The following TEX9 variants were observed in gnomAD, a reference collection of about 807,000 sequenced individuals.
The protein encoded by TEX9 is testis-expressed protein 9.
A neutral mutation model predicts 59.6 loss-of-function variants in TEX9; 74 were observed. The observed-to-expected ratio is 1.24, with a 90% CI of 1.03 to 1.51. The LOEUF (loss-of-function observed/expected upper bound fraction) is 1.51. Ranked by LOEUF, TEX9 falls within the 40% of genes most tolerant of loss-of-function variation. TEX9 has a pLI of 0.00. For synonymous variants in TEX9, 186 were observed against 152.2 expected, an observed-to-expected ratio of 1.22 and a Z score of -1.64; for missense variants, 522 against 447.8, an observed-to-expected ratio of 1.17 and a Z score of -1.49.
chr15:56,316,672 C>T (rs2045775060), intron 1 of TEX9, among the ~76,000 whole-genome samples: 1 of 152,188 alleles, frequency 6.6e-6, no homozygotes, highest in African/African-American at 2.4e-5. Context: ...CTGTGGTGGG[C>T]TCCACCCAGT....
At chr15:56,267,196 T>G (rs1393637859) in intron 1 of TEX9, among the ~76,000 whole-genome samples, 3 of 152,242 alleles carry the variant, frequency 2.0e-5, no homozygotes, top group Non-Finnish European at 4.4e-5. Context: ...CCTGTAAATT[T>G]GTTTAAGTTC....
intron 1 of TEX9, among the ~76,000 whole-genome samples, chr15:56,262,419 T>C (rs1007814413): frequency 6.6e-6 from 1 of 152,216 alleles, no homozygotes; most frequent in Non-Finnish European, 1.5e-5. Flanking sequence ...CTAGTCATGT[T>C]TCTATTAGTT....
intron 1 of TEX9, among the ~76,000 whole-genome samples, chr15:56,250,666 T>C (rs1358944632): frequency 6.6e-6 from 1 of 152,180 alleles, no homozygotes; most frequent in Non-Finnish European, 1.5e-5. Context: ...GCTTATGTGA[T>C]TGTGAGGCTG....
At chr15:56,308,031 A>G (rs899035326) in intron 1 of TEX9, among the ~76,000 whole-genome samples, 1 of 152,212 alleles carries the variant, frequency 6.6e-6, no homozygotes, top group African/African-American at 2.4e-5. Context: ...GAATAATGCT[A>G]CTGTGAACAT....
chr15:56,367,250 G>C (rs1416883129), intron 2 of TEX9, among the ~76,000 whole-genome samples: 3 of 151,994 alleles, frequency 2.0e-5, no homozygotes, highest in African/African-American at 7.2e-5. Flanking sequence ...CACATCTGAA[G>C]CATATGAACA....
At chr15:56,270,320 C>T (rs150121400) in intron 1 of TEX9, among the ~76,000 whole-genome samples, 1 of 152,194 alleles carries the variant, frequency 6.6e-6, no homozygotes, top group African/African-American at 2.4e-5. Context: ...CTTTATGAAT[C>T]TGGGTGCTCC....
At position 56,365,769 on chromosome 15, in the gene TEX9, A is replaced by T; in HGVS notation, c.119+99A>T. 3 of 1,531,934 alleles carry T rather than the reference A, an allele frequency of 2.0e-6. No individual in the cohort carries two copies. The South Asian group carries it at 3.9e-5, about 20-fold the overall frequency. The allele number at this position is 1,531,934 out of a possible 1,614,324, so 94.9% of individuals were successfully genotyped here. On this transcript the variant is annotated intron_variant, in intron 2 of 12. Coordinates refer to ENST00000352903, the Ensembl canonical transcript of TEX9. ...GGAGACTGGCTGGATCTTCGGGACC[A>T]CTCACTCTGCAGCATTCCCTTCTCG...
chr15:56,419,078 T>TTA (rs1356106859), intron 10 of TEX9, among the ~76,000 whole-genome samples: 8 of 151,822 alleles, frequency 5.3e-5, no homozygotes, highest in South Asian at 2.1e-4. Flanking sequence ...CAAGCAGCTT[T>TTA]TATATATATA....
chr15:56,246,131 G>A (rs1432019163), intron 1 of TEX9, among the ~76,000 whole-genome samples: 1 of 152,168 alleles, frequency 6.6e-6, no homozygotes, highest in Non-Finnish European at 1.5e-5. Flanking sequence ...CTTCCCAAGT[G>A]CAACTTCTGA....
chr15:56,330,475 T>A (rs2046116941), intron 1 of TEX9, among the ~76,000 whole-genome samples: 2 of 152,112 alleles, frequency 1.3e-5, no homozygotes, highest in African/African-American at 4.8e-5. Context: ...CAATAACTTT[T>A]CAAGACATAG....
intron 12 of TEX9, among the ~76,000 whole-genome samples, chr15:56,436,630 G>C (rs1034633707): frequency 3.1e-4 from 47 of 152,090 alleles, no homozygotes; most frequent in Admixed American, 6.5e-4. Context: ...AGGAGATAGA[G>C]ACACAAAAAA....
chr15:56,317,652 A>G (rs983960428), intron 1 of TEX9, among the ~76,000 whole-genome samples: 2 of 152,122 alleles, frequency 1.3e-5, no homozygotes, highest in Non-Finnish European at 2.9e-5. Flanking sequence ...TTTTAAATAT[A>G]GGCCTTTATA....
chr15:56,324,609 G>A (rs2045980824), intron 1 of TEX9, among the ~76,000 whole-genome samples: 1 of 152,196 alleles, frequency 6.6e-6, no homozygotes, highest in African/African-American at 2.4e-5. Context: ...CTTTTCCACA[G>A]CTGCATGAAC....
At chr15:56,247,805 A>G (rs150736001) in intron 1 of TEX9, among the ~76,000 whole-genome samples, 1 of 152,306 alleles carries the variant, frequency 6.6e-6, no homozygotes, top group East Asian at 1.9e-4. Flanking sequence ...GTAAAGTTCT[A>G]CCCTGTTCTC....
At chr15:56,255,261 G>C (rs1235911398) in intron 1 of TEX9, among the ~76,000 whole-genome samples, 2 of 152,120 alleles carry the variant, frequency 1.3e-5, no homozygotes, top group South Asian at 4.1e-4. Context: ...GGGGGCAGGT[G>C]AACCCCTGTT....
At chr15:56,326,592 A>G (rs1343844271) in intron 1 of TEX9, among the ~76,000 whole-genome samples, 10 of 152,214 alleles carry the variant, frequency 6.6e-5, no homozygotes, top group African/African-American at 2.4e-4. Flanking sequence ...AGATTTGGAA[A>G]TGCAGAACAA....
chr15:56,405,319 A>AG, intron 9 of TEX9, among the ~76,000 whole-genome samples: 1 of 150,452 alleles, frequency 6.6e-6, no homozygotes, highest in Non-Finnish European at 1.5e-5. Flanking sequence ...AGAAAAAAAA[A>AG]AAAAAAAAAG....
chr15:56,264,534 C>T (rs1356848837), intron 1 of TEX9, among the ~76,000 whole-genome samples: 1 of 152,060 alleles, frequency 6.6e-6, no homozygotes. Flanking sequence ...TGTTGCTTGT[C>T]TTTAATTTTC....
chr15:56,365,383 A>C (rs2682033), upstream of TEX9: 1,569,458 of 1,569,748 alleles, frequency 1, 784,584 homozygotes, highest in Middle Eastern at 1. Flanking sequence ...GCGGGAGGCA[A>C]CCGGGATGTG....
Sources: gnomAD v4.1 joint callset for allele counts (sites outside exome capture counted in the v4.1 genomes callset) on GRCh38, gnomAD v4.1.1 for gene constraint, MANE v1.5 for transcripts, NCBI Gene and HGNC (gene_info 2026-07-23, HGNC 2026-07-21) for gene names.